The following CNOT4 variants were observed in gnomAD, a reference collection of about 807,000 sequenced individuals.
CNOT4 encodes CCR4-NOT transcription complex subunit 4.
CNOT4 carries 8 observed loss-of-function variants against 73.8 expected under a neutral mutation model. That is an observed-to-expected ratio of 0.11 (90% CI 0.06 to 0.20). CNOT4 has a LOEUF of 0.20. Ranked by LOEUF, CNOT4 falls within the 10% of genes least tolerant of loss-of-function variation. The probability of loss-of-function intolerance (pLI) is 1.00; values close to 1 mark genes in which losing one functional copy is unlikely to be tolerated. For missense variants in CNOT4, 564 were observed against 883.4 expected, an observed-to-expected ratio of 0.64 and a Z score of 4.58; for synonymous variants, 293 against 321.1, an observed-to-expected ratio of 0.91 and a Z score of 0.94.
In CNOT4 at chr7:135,437,221, G is replaced by A. The variant is rs555225860; in HGVS notation, c.174+937C>T. 2.2e-4 allele frequency among the ~76,000 whole-genome samples: 33 copies of A among 151,474 alleles called. No homozygotes were observed. The South Asian group carries it at 6.5e-3, about 30-fold the overall frequency. Reference sequence around the variant, plus strand: ...TTTCTTTTTTTTGAGACGGAGTCTCGCTCTGTTGCCCAGGCTGGAGTGCTG... The same window carrying A: ...TTTCTTTTTTTTGAGACGGAGTCTCACTCTGTTGCCCAGGCTGGAGTGCTG... On this transcript the variant is annotated intron_variant, in intron 2 of 11. Transcript: ENST00000541284.
intron 1 of CNOT4, among the ~76,000 whole-genome samples, chr7:135,494,972 T>C (rs1378524124): frequency 2.6e-5 from 4 of 152,218 alleles, no homozygotes; most frequent in African/African-American, 9.6e-5. Flanking sequence ...ATTTACCACA[T>C]AGCATTGTTC....
chr7:135,424,714 G>C (rs1420513753), intron 2 of CNOT4, among the ~76,000 whole-genome samples: 1 of 152,086 alleles, frequency 6.6e-6, no homozygotes, highest in Non-Finnish European at 1.5e-5. Flanking sequence ...GCTTGAACCT[G>C]GGAGGCAGAG....
chr7:135,377,455 A>T (rs1423600482), intron 10 of CNOT4, among the ~76,000 whole-genome samples: 2 of 152,222 alleles, frequency 1.3e-5, no homozygotes, highest in African/African-American at 4.8e-5. Context: ...TTTTGCTGTG[A>T]ACCTAAAATA....
chr7:135,479,589 T>C (rs984859457), intron 1 of CNOT4, among the ~76,000 whole-genome samples: 1 of 151,842 alleles, frequency 6.6e-6, no homozygotes, highest in South Asian at 2.1e-4. Flanking sequence ...TTTTAAAGAA[T>C]TTGACTCAAA....
intron 10 of CNOT4, among the ~76,000 whole-genome samples, chr7:135,385,715 G>A (rs948640354): frequency 2.6e-5 from 4 of 152,180 alleles, no homozygotes; most frequent in African/African-American, 4.8e-5. Flanking sequence ...TGCCACTGTC[G>A]GAGCAGTTAC....
intron 1 of CNOT4, among the ~76,000 whole-genome samples, chr7:135,508,828 C>A (rs1804542131): frequency 6.6e-6 from 1 of 152,082 alleles, no homozygotes; most frequent in Non-Finnish European, 1.5e-5. Flanking sequence ...TTTTGTAATG[C>A]TGGGGTTAAT....
At chr7:135,380,715 T>C (rs1478110397) in intron 10 of CNOT4, among the ~76,000 whole-genome samples, 3 of 152,232 alleles carry the variant, frequency 2.0e-5, no homozygotes, top group African/African-American at 7.2e-5. Flanking sequence ...GTTTCAAGCA[T>C]GAAAGCACAT....
intron 2 of CNOT4, among the ~76,000 whole-genome samples, chr7:135,434,423 T>C (rs1799031448): frequency 6.6e-6 from 1 of 152,228 alleles, no homozygotes; most frequent in Non-Finnish European, 1.5e-5. Context: ...TTCTAGGAGA[T>C]GTGATTAAGT....
chr7:135,481,864 T>A (rs1381930803), intron 1 of CNOT4, among the ~76,000 whole-genome samples: 2 of 152,184 alleles, frequency 1.3e-5, no homozygotes, highest in Non-Finnish European at 2.9e-5. Context: ...CTCACTCATA[T>A]GTAGAAACTA....
intron 10 of CNOT4, chr7:135,384,413 T>C (rs1310380103): frequency 5.6e-6 from 2 of 358,854 alleles, no homozygotes; most frequent in East Asian, 6.2e-5. Flanking sequence ...GCCTCCCGAG[T>C]AGCTGGGGCT....
At chr7:135,462,718 A>C (rs1477519400) in intron 1 of CNOT4, among the ~76,000 whole-genome samples, 1 of 152,228 alleles carries the variant, frequency 6.6e-6, no homozygotes, top group Non-Finnish European at 1.5e-5. Context: ...TCTAGGTTAC[A>C]GTCTTGGATT....
chr7:135,400,049 A>T (rs1796919980), intron 7 of CNOT4, among the ~76,000 whole-genome samples: 1 of 152,122 alleles, frequency 6.6e-6, no homozygotes, highest in Admixed American at 6.5e-5. Context: ...CAATTAGGGA[A>T]AGTTTCCTAG....
rs1214695495 is a variant in CNOT4, at chr7:135,361,894, AG to A, written c.*990del. On this transcript the variant is annotated 3_prime_UTR_variant, in exon 12 of 12. Transcript: ENST00000541284. ...TTAGTTTTAGCGTCAGGTTATAACC[AG>A]GTTTCTGTTTTCTTTTCTCCTGTCT... is the stretch of plus-strand genomic sequence containing the variant. 79 of 152,782 alleles carry A rather than the reference AG, an allele frequency of 5.2e-4. No homozygotes were observed. The highest frequency in any genetic ancestry group is 1.0e-4 in the Non-Finnish European group (7 of 68,030). 9.5% of individuals were successfully genotyped at this position (152,782 alleles called of 1,614,324 possible). A position where few individuals can be genotyped will look rare whatever the true frequency, so the allele number is the denominator to read the frequency against.
At chr7:135,367,241 G>A (rs1563007883) in intron 10 of CNOT4, among the ~76,000 whole-genome samples, 1 of 152,262 alleles carries the variant, frequency 6.6e-6, no homozygotes, top group East Asian at 1.9e-4. Flanking sequence ...GCTCTTATAT[G>A]ATCTCGCTTG....
chr7:135,486,107 C>T (rs943220553), intron 1 of CNOT4, among the ~76,000 whole-genome samples: 2 of 151,868 alleles, frequency 1.3e-5, no homozygotes, highest in Non-Finnish European at 1.5e-5. Context: ...AAGAACTTAA[C>T]TAAATACCAC....
chr7:135,412,780 C>T (rs1428023075), intron 6 of CNOT4, among the ~76,000 whole-genome samples: 2 of 151,972 alleles, frequency 1.3e-5, no homozygotes, highest in African/African-American at 4.8e-5. Context: ...CAGCAACAAT[C>T]TGAAGTCCTC....
At chr7:135,498,144 T>A (rs1479796379) in intron 1 of CNOT4, among the ~76,000 whole-genome samples, 2 of 151,666 alleles carry the variant, frequency 1.3e-5, no homozygotes, top group South Asian at 2.1e-4. Flanking sequence ...AACATTCATA[T>A]GTAGGAAGCC....
chr7:135,486,578 T>G (rs1482734420), intron 1 of CNOT4, among the ~76,000 whole-genome samples: 3 of 152,214 alleles, frequency 2.0e-5, no homozygotes, highest in Non-Finnish European at 4.4e-5. Context: ...AAATAAAAAC[T>G]TATGTTATAT....
chr7:135,414,096 C>A (rs575626979), intron 5 of CNOT4, among the ~76,000 whole-genome samples: 1 of 151,708 alleles, frequency 6.6e-6, no homozygotes, highest in Non-Finnish European at 1.5e-5. Context: ...TGTAAAAATG[C>A]GATATTTTAA....
Sources: gnomAD v4.1 joint callset for allele counts (sites outside exome capture counted in the v4.1 genomes callset) on GRCh38, gnomAD v4.1.1 for gene constraint, MANE v1.5 for transcripts, NCBI Gene and HGNC (gene_info 2026-07-23, HGNC 2026-07-21) for gene names.